The following ERICH1 variants were observed in gnomAD, a reference collection of about 807,000 sequenced individuals.
ERICH1 encodes the protein glutamate-rich protein 1.
In ERICH1, 56 loss-of-function variants were observed where a neutral mutation model predicts 39.6. The ratio of observed to expected loss-of-function variants is 1.41; its 90% CI spans 1.14 to 1.77. The LOEUF is 1.77. ERICH1 is among the 40% of genes most tolerant of loss of function. The pLI is 0.00. For synonymous variants in ERICH1, 313 were observed against 223.6 expected, an observed-to-expected ratio of 1.40 and a Z score of -3.57; for missense variants, 826 against 575.4, an observed-to-expected ratio of 1.44 and a Z score of -4.45.
intron 3 of ERICH1, among the ~76,000 whole-genome samples, chr8:683,342 G>A (rs1420279543): frequency 3.9e-5 from 6 of 152,158 alleles, no homozygotes; most frequent in African/African-American, 1.4e-4. Flanking sequence ...AGCTCACATG[G>A]CTCCTGGGAC....
At chr8:709,820 T>C (rs1281230776) in intron 2 of ERICH1, among the ~76,000 whole-genome samples, 1 of 152,236 alleles carries the variant, frequency 6.6e-6, no homozygotes, top group East Asian at 1.9e-4. Flanking sequence ...CACTTAGGAA[T>C]GATCCATCAT....
chr8:671,535 G>C (rs1326592605), intron 4 of ERICH1, among the ~76,000 whole-genome samples: 3 of 145,246 alleles, frequency 2.1e-5, no homozygotes, highest in Admixed American at 2.1e-4. Flanking sequence ...TCCGACCTCT[G>C]AACCTGCCGG....
intron 3 of ERICH1, among the ~76,000 whole-genome samples, chr8:685,938 G>T (rs566276275): frequency 6.7e-6 from 1 of 148,736 alleles, no homozygotes; most frequent in African/African-American, 2.5e-5. Flanking sequence ...TGACCCCAGC[G>T]GTTCGAGACC....
intron 3 of ERICH1, among the ~76,000 whole-genome samples, chr8:677,889 C>A (rs1805219300): frequency 6.6e-6 from 1 of 152,198 alleles, no homozygotes; most frequent in African/African-American, 2.4e-5. Flanking sequence ...CTCCTCCCGG[C>A]ACGTCCTTCT....
intron 5 of ERICH1, 67 bp downstream of exon 5, chr8:668,531 T>C (rs1375230921): frequency 6.4e-7 from 1 of 1,572,238 alleles, no homozygotes; most frequent in Non-Finnish European, 8.8e-7. Context: ...GGCGTGTAAG[T>C]CTTTCAGAGG....
chr8:720,641 G>A (rs567571171), intron 1 of ERICH1, among the ~76,000 whole-genome samples: 1 of 152,296 alleles, frequency 6.6e-6, no homozygotes, highest in East Asian at 1.9e-4. Context: ...TACAGCCACG[G>A]GAAAGACAAT....
chr8:703,243 C>G (rs907737287), intron 2 of ERICH1, among the ~76,000 whole-genome samples: 5 of 152,186 alleles, frequency 3.3e-5, no homozygotes, highest in Admixed American at 1.3e-4. Flanking sequence ...GATGAAGGTG[C>G]AGGACAGACC....
intron 1 of ERICH1, among the ~76,000 whole-genome samples, chr8:730,624 C>G (rs1469978840): frequency 6.6e-6 from 1 of 152,192 alleles, no homozygotes; most frequent in Non-Finnish European, 1.5e-5. Context: ...AATGCTATCA[C>G]AGAATTTAAT....
At chr8:624,695 A>G (rs1034302288) in intron 3 of ERICH1, among the ~76,000 whole-genome samples, 1 of 151,712 alleles carries the variant, frequency 6.6e-6, no homozygotes, top group African/African-American at 2.4e-5. Context: ...GGGAGGCGCT[A>G]CACACTTTTT....
chr8:662,420 G>A (rs767623309), downstream of ERICH1, among the ~76,000 whole-genome samples: 9 of 152,170 alleles, frequency 5.9e-5, no homozygotes, highest in Admixed American at 1.3e-4. Context: ...AGGGTGAGAC[G>A]GGTGGATCAC....
chr8:708,647 G>A (rs1161663993), intron 2 of ERICH1, among the ~76,000 whole-genome samples: 1 of 149,668 alleles, frequency 6.7e-6, no homozygotes, highest in Admixed American at 6.7e-5. Flanking sequence ...TAGAGGGAGT[G>A]GGGAATGGGG....
intron 3 of ERICH1, among the ~76,000 whole-genome samples, chr8:689,972 A>G (rs1195884471): frequency 6.6e-6 from 1 of 152,000 alleles, no homozygotes; most frequent in African/African-American, 2.4e-5. Context: ...AGCATTTTCC[A>G]TGGAGACTCT....
At chr8:663,336 C>T (rs1356357413), downstream of ERICH1, among the ~76,000 whole-genome samples, 1 of 152,194 alleles carries the variant, frequency 6.6e-6, no homozygotes, top group Non-Finnish European at 1.5e-5. Flanking sequence ...AAGAGGACAG[C>T]AACACTTGAG....
At chr8:719,889 G>A (rs1014630458) in intron 1 of ERICH1, among the ~76,000 whole-genome samples, 1 of 152,164 alleles carries the variant, frequency 6.6e-6, no homozygotes, top group African/African-American at 2.4e-5. Flanking sequence ...ACCGCAGTGT[G>A]GACCCAGCGC....
Position 635,368 on chromosome 8 carries a change from C to T in ERICH1, c.977-20084G>A, listed in dbSNP as rs750806456. Among the ~76,000 whole-genome samples, 8 of 152,212 alleles carry T rather than the reference C, an allele frequency of 5.3e-5. No individual in the cohort carries two copies. In the South Asian group the frequency reaches 1.4e-3, roughly 28 times the overall value. On this transcript the variant is annotated intron_variant, in intron 3 of 3. Coordinates refer to the ERICH1 transcript ENST00000522706. ...AAACGCCAAGCCCGGGCCGTTGGGA[C>T]CAGCCTGAGCTTCCCTCCAAAGTCC...
At chr8:625,474 G>T (rs537385997) in intron 3 of ERICH1, among the ~76,000 whole-genome samples, 3 of 152,158 alleles carry the variant, frequency 2.0e-5, no homozygotes, top group Non-Finnish European at 4.4e-5. Context: ...CTGAGGGTAC[G>T]GGGTCTGGGT....
chr8:701,406 G>A lies in ERICH1; in HGVS notation c.170-8794C>T, dbSNP rs189450858. Among the ~76,000 whole-genome samples the A allele has an allele frequency of 1.8e-3, 274 of 152,262 alleles. 4 individuals carry two copies. Among genetic ancestry groups the A allele is most frequent in the African/African-American group, 6.4e-3 (264 of 41,548 alleles). ...ACCTACGGGTCTGCCCCGCCGGACGGGAGCACGCCTTACCCACGGGTGTGC... is the reference window on the plus strand; with the variant it reads ...ACCTACGGGTCTGCCCCGCCGGACGAGAGCACGCCTTACCCACGGGTGTGC... On this transcript the variant is annotated intron_variant, in intron 2 of 5. Coordinates refer to ENST00000262109, the MANE Select transcript of ERICH1 (RefSeq NM_207332.3).
chr8:621,898 C>T (rs1797305300), intron 3 of ERICH1, among the ~76,000 whole-genome samples: 1 of 152,084 alleles, frequency 6.6e-6, no homozygotes, highest in Non-Finnish European at 1.5e-5. Flanking sequence ...ATATCTAAAA[C>T]AATTAGAGAT....
intron 3 of ERICH1, chr8:616,355 G>A (rs976393547): frequency 2.9e-6 from 1 of 344,250 alleles, no homozygotes; most frequent in African/African-American, 2.2e-5. Flanking sequence ...ACAGGCTCCT[G>A]TCGGCCAGGT....
Sources: allele counts gnomAD v4.1 joint callset (sites outside exome capture counted in the v4.1 genomes callset), GRCh38; gene constraint gnomAD v4.1.1; transcripts MANE v1.5; gene names NCBI Gene and HGNC (gene_info 2026-07-23, HGNC 2026-07-21).